LSAMP: variants seen among roughly 807,000 people sequenced by gnomAD.
The protein encoded by LSAMP is limbic system associated membrane protein, also known as limbic system-associated membrane protein.
Under a neutral mutation model 38.6 loss-of-function variants are expected in LSAMP, and 7 were observed. The observed-to-expected ratio is 0.18, with a 90% CI of 0.10 to 0.34. The LOEUF (loss-of-function observed/expected upper bound fraction) is 0.34. Ranked by LOEUF, LSAMP falls within the 10% of genes least tolerant of loss-of-function variation. LSAMP has a pLI of 1.00. For synonymous variants in LSAMP, 154 were observed against 166.8 expected, an observed-to-expected ratio of 0.92 and a Z score of 0.59; for missense variants, 313 against 420.0, an observed-to-expected ratio of 0.75 and a Z score of 2.23.
intron 1 of LSAMP, among the ~76,000 whole-genome samples, chr3:116,393,426 G>A (rs1354052738): frequency 1.3e-5 from 2 of 152,184 alleles, no homozygotes; most frequent in African/African-American, 4.8e-5. Context: ...CCTCCCTGAA[G>A]CAATAGCCAG....
intron 3 of LSAMP, among the ~76,000 whole-genome samples, chr3:115,873,659 G>C (rs931711255): frequency 6.6e-6 from 1 of 152,042 alleles, no homozygotes; most frequent in Non-Finnish European, 1.5e-5. Context: ...TTCATACCTT[G>C]CCGCTAACTT....
At chr3:116,153,355 T>C (rs1709655148) in intron 1 of LSAMP, among the ~76,000 whole-genome samples, 2 of 152,130 alleles carry the variant, frequency 1.3e-5, no homozygotes, top group South Asian at 4.1e-4. Flanking sequence ...AGTGATTCCA[T>C]ATTTAGGAGC....
At chr3:116,037,914 A>G (rs1941082988) in intron 2 of LSAMP, among the ~76,000 whole-genome samples, 1 of 152,132 alleles carries the variant, frequency 6.6e-6, no homozygotes, top group African/African-American at 2.4e-5. Flanking sequence ...GTGAACCAGG[A>G]GGACTAACCC....
intron 1 of LSAMP, among the ~76,000 whole-genome samples, chr3:116,214,192 AC>A (rs2046193976): frequency 6.6e-6 from 1 of 152,210 alleles, no homozygotes; most frequent in South Asian, 2.1e-4. Context: ...TCACAGCTAA[AC>A]TTTTAATGGA....
At chr3:115,904,453 C>T (rs1021070901) in intron 3 of LSAMP, among the ~76,000 whole-genome samples, 1 of 151,994 alleles carries the variant, frequency 6.6e-6, no homozygotes, top group African/African-American at 2.4e-5. Context: ...GAGTTCTACT[C>T]AACATTGAAG....
intron 3 of LSAMP, among the ~76,000 whole-genome samples, chr3:116,002,138 G>T: frequency 6.6e-6 from 1 of 152,250 alleles, no homozygotes; most frequent in South Asian, 2.1e-4. Context: ...TCACACAGAA[G>T]CTCTGCTAAT....
At chr3:116,162,577 GGTGT>G (rs377150720) in intron 1 of LSAMP, among the ~76,000 whole-genome samples, 3 of 151,404 alleles carry the variant, frequency 2.0e-5, no homozygotes, top group African/African-American at 7.3e-5. Flanking sequence ...TGTCTATACA[GGTGT>G]GTGTGTGTGA....
At chr3:116,319,037 T>A (rs1025629873) in intron 1 of LSAMP, among the ~76,000 whole-genome samples, 1 of 140,302 alleles carries the variant, frequency 7.1e-6, no homozygotes, top group Non-Finnish European at 1.5e-5. Flanking sequence ...TAGTGTTGTA[T>A]AGAATTGGGG....
At chr3:116,066,648 C>G (rs1354890762) in intron 2 of LSAMP, among the ~76,000 whole-genome samples, 1 of 152,132 alleles carries the variant, frequency 6.6e-6, no homozygotes, top group Admixed American at 6.5e-5. Context: ...GAAGACCCCA[C>G]CCATCATATT....
chr3:115,831,622 G>A (rs543762518), intron 6 of LSAMP, among the ~76,000 whole-genome samples: 2 of 152,276 alleles, frequency 1.3e-5, no homozygotes, highest in South Asian at 4.1e-4. Context: ...ACCTCACAAA[G>A]TGAGAAAAGT....
chr3:116,366,270 T>G (rs1288677437), intron 1 of LSAMP, among the ~76,000 whole-genome samples: 1 of 151,988 alleles, frequency 6.6e-6, no homozygotes, highest in Non-Finnish European at 1.5e-5. Flanking sequence ...GGAAGTAACT[T>G]TTTGTTTCCC....
intron 2 of LSAMP, among the ~76,000 whole-genome samples, chr3:116,063,072 C>A (rs530934512): frequency 1.5e-4 from 23 of 152,148 alleles, no homozygotes; most frequent in African/African-American, 5.5e-4. Context: ...TATTACCACT[C>A]CTTATGTACA....
chr3:115,842,331 A>C, intron 5 of LSAMP, 127 bp downstream of exon 5: 1 of 1,275,542 alleles, frequency 7.8e-7, no homozygotes, highest in South Asian at 1.6e-5. Flanking sequence ...GAGATACTAA[A>C]AAGGAAGAGT....
intron 1 of LSAMP, among the ~76,000 whole-genome samples, chr3:116,126,754 C>T (rs1709017169): frequency 1.3e-5 from 2 of 152,100 alleles, no homozygotes; most frequent in Admixed American, 6.5e-5. Context: ...CCCAGCTACT[C>T]AGAGGCTGAG....
intron 6 of LSAMP, among the ~76,000 whole-genome samples, chr3:115,836,551 G>C (rs1218129608): frequency 6.6e-6 from 1 of 152,152 alleles, no homozygotes; most frequent in Non-Finnish European, 1.5e-5. Context: ...GAGATTTTGG[G>C]AACAGAACTA....
chr3:116,403,323 A>C (rs2048861992), intron 1 of LSAMP, among the ~76,000 whole-genome samples: 1 of 152,186 alleles, frequency 6.6e-6, no homozygotes, highest in Admixed American at 6.5e-5. Flanking sequence ...ATGTAAGCTC[A>C]ATAATAAACA....
At chr3:116,238,824 T>C (rs1393754051) in intron 1 of LSAMP, among the ~76,000 whole-genome samples, 2 of 150,088 alleles carry the variant, frequency 1.3e-5, no homozygotes, top group Non-Finnish European at 3.0e-5. Flanking sequence ...ATGTGCTCAA[T>C]ATAAAAATGA....
At chr3:116,350,908 T>G (rs2048129873) in intron 1 of LSAMP, among the ~76,000 whole-genome samples, 1 of 151,962 alleles carries the variant, frequency 6.6e-6, no homozygotes, top group South Asian at 2.1e-4. Flanking sequence ...TGATAAGTGC[T>G]TGGTTAAGAT....
chr3:116,231,779 G>T (rs939460056), intron 1 of LSAMP, among the ~76,000 whole-genome samples: 2 of 152,152 alleles, frequency 1.3e-5, no homozygotes, highest in Non-Finnish European at 2.9e-5. Context: ...AAAGGACACA[G>T]TTAAGGAGAA....
Sources: gnomAD v4.1 joint callset for allele counts (sites outside exome capture counted in the v4.1 genomes callset) on GRCh38, gnomAD v4.1.1 for gene constraint, MANE v1.5 for transcripts, NCBI Gene and HGNC (gene_info 2026-07-23, HGNC 2026-07-21) for gene names.